Variants in ENAH observed in about 807,000 individuals in gnomAD.
The protein encoded by ENAH is protein enabled homolog.
A neutral mutation model predicts 78.7 loss-of-function variants in ENAH; 23 were observed. The observed-to-expected ratio is 0.29, with a 90% confidence interval of 0.21 to 0.41. The LOEUF (loss-of-function observed/expected upper bound fraction) is 0.41. Ranked by LOEUF, ENAH falls within the 10% of genes least tolerant of loss-of-function variation. The pLI is 1.00. For missense variants in ENAH, 544 were observed against 691.0 expected (o/e 0.79, Z 2.39); for synonymous variants, 226 against 241.0 (o/e 0.94, Z 0.58).
At chr1:225,608,788 C>T (rs1265726427) in intron 1 of ENAH, among the ~76,000 whole-genome samples, 1 of 136,824 alleles carries the variant, frequency 7.3e-6, no homozygotes, top group African/African-American at 2.9e-5. Context: ...TGCACTCCAT[C>T]CTGGGCGACA....
Position 225,514,749 on chromosome 1 carries a change from AGGAGGG to A in ENAH, c.1059_1064del (p.Pro354_Pro355del). 1 of 328,440 alleles carries A rather than the reference AGGAGGG, an allele frequency of 3.0e-6. No homozygotes were observed. The highest frequency in any genetic ancestry group is 4.5e-6 in the Non-Finnish European group (1 of 224,652). 20.3% of individuals were successfully genotyped at this position (328,440 alleles called of 1,614,324 possible). On this transcript the variant is annotated inframe_deletion, in exon 7 of 14. Coordinates refer to ENST00000366843, the MANE Select transcript of ENAH (RefSeq NM_018212.6). ...GAGGAGGGGGTACTTGATTAGGGAGAGGAGGGGGAGGAGGGGGCGGTGGAGGCCCGG... is the reference window on the plus strand; with the variant it reads ...GAGGAGGGGGTACTTGATTAGGGAGAGGAGGAGGGGGCGGTGGAGGCCCGG...
At chr1:225,503,601 C>T (rs17501249) in intron 11 of ENAH, among the ~76,000 whole-genome samples, 6,348 of 131,038 alleles carry the variant, frequency 0.048, 221 homozygotes, top group South Asian at 0.12. Context: ...TTAAATGCTA[C>T]TTTTCTATGT....
chr1:225,530,176 CCAA>C (rs1181649251), intron 4 of ENAH, among the ~76,000 whole-genome samples: 1 of 152,118 alleles, frequency 6.6e-6, no homozygotes, highest in Non-Finnish European at 1.5e-5. Flanking sequence ...ACAGAAACAG[CCAA>C]CAATATTTCA....
chr1:225,521,796 T>C (rs2151191795), intron 4 of ENAH, among the ~76,000 whole-genome samples: 1 of 152,090 alleles, frequency 6.6e-6, no homozygotes, highest in East Asian at 1.9e-4. Context: ...TTTTGTTTTG[T>C]TTTGTTTTTT....
intron 1 of ENAH, among the ~76,000 whole-genome samples, chr1:225,651,826 G>A (rs989299191): frequency 6.6e-6 from 1 of 151,930 alleles, no homozygotes; most frequent in African/African-American, 2.4e-5. Flanking sequence ...ACCACATCAC[G>A]GTTTATTCTC....
At chr1:225,619,182 A>G (rs190388333) in intron 1 of ENAH, among the ~76,000 whole-genome samples, 35 of 152,240 alleles carry the variant, frequency 2.3e-4, no homozygotes, top group Admixed American at 2.3e-3. Flanking sequence ...AATATTTTCT[A>G]TTGTCTTTCA....
Position 225,530,602 on chromosome 1 carries a change from G to C in ENAH, c.386C>G (p.Ala129Gly). The stretch of plus-strand genomic sequence containing the variant: ...TTGGGATGGGCCATTTTGAACTTGA[G>C]CAGGTAGTTGTGAGTTTTGTCTAGG... ...TLPRQNSQLP[A>G]QVQNGPSQEE... Residue 129 changes from alanine to glycine, a missense_variant, in exon 4 of 14, where the codon GCT becomes GGT. By Grantham distance (60) the Ala-to-Gly change is moderately conservative. Around this residue, in one of 4 missense-constraint regions of ENAH, gnomAD observed 366 missense variants for 396.1 expected, o/e 0.92. Coordinates refer to ENST00000366843, the MANE Select transcript of ENAH (RefSeq NM_018212.6). 6.2e-7 allele frequency: 1 copy of C among 1,613,582 alleles called. No individual in the cohort carries two copies. The highest frequency in any genetic ancestry group is 8.5e-7 in the Non-Finnish European group (1 of 1,179,608).
intron 7 of ENAH, among the ~76,000 whole-genome samples, chr1:225,513,554 T>C (rs911413855): frequency 6.6e-6 from 1 of 152,244 alleles, no homozygotes; most frequent in African/African-American, 2.4e-5. Flanking sequence ...GATTACAGTA[T>C]TCTATCATGT....
chr1:225,595,905 T>C (rs1490613581), intron 1 of ENAH, among the ~76,000 whole-genome samples: 2 of 152,206 alleles, frequency 1.3e-5, no homozygotes, highest in African/African-American at 4.8e-5. Flanking sequence ...ATTTTAGAAG[T>C]GTCCTCTTTT....
intron 3 of ENAH, among the ~76,000 whole-genome samples, chr1:225,534,192 A>C (rs1012699786): frequency 6.6e-6 from 1 of 152,102 alleles, no homozygotes; most frequent in African/African-American, 2.4e-5. Context: ...CTAGTTCAAA[A>C]GATAGCCCGG....
intron 4 of ENAH, among the ~76,000 whole-genome samples, chr1:225,523,532 T>C (rs902361711): frequency 8.5e-5 from 13 of 152,128 alleles, no homozygotes; most frequent in African/African-American, 3.1e-4. Flanking sequence ...GCAATTCATA[T>C]AGCTGCAGGA....
intron 3 of ENAH, among the ~76,000 whole-genome samples, chr1:225,552,482 C>T (rs1339535329): frequency 6.6e-6 from 1 of 152,090 alleles, no homozygotes; most frequent in Non-Finnish European, 1.5e-5. Flanking sequence ...TACTTCCACA[C>T]TAATTAAGGC....
intron 12 of ENAH, among the ~76,000 whole-genome samples, chr1:225,500,171 A>C (rs1365249737): frequency 2.0e-5 from 3 of 152,306 alleles, no homozygotes; most frequent in South Asian, 2.1e-4. Context: ...AAATTTTATA[A>C]CTCAATTTAA....
At chr1:225,604,422 A>C (rs2096944663) in intron 1 of ENAH, among the ~76,000 whole-genome samples, 1 of 152,122 alleles carries the variant, frequency 6.6e-6, no homozygotes, top group Non-Finnish European at 1.5e-5. Flanking sequence ...TATGCCCCAG[A>C]CAGCTATTAA....
At chr1:225,637,724 C>T (rs567236478) in intron 1 of ENAH, among the ~76,000 whole-genome samples, 278 of 152,128 alleles carry the variant, frequency 1.8e-3, no homozygotes, top group African/African-American at 6.6e-3. Context: ...TGGCTATTTG[C>T]TTTCAGAGTG....
At chr1:225,595,261 A>C (rs1045974756) in intron 1 of ENAH, among the ~76,000 whole-genome samples, 2 of 151,920 alleles carry the variant, frequency 1.3e-5, no homozygotes, top group Non-Finnish European at 2.9e-5. Context: ...TGAACACGGG[A>C]GGCGGAGGTT....
At chr1:225,646,521 TA>T (rs1661990101) in intron 1 of ENAH, among the ~76,000 whole-genome samples, 1 of 152,026 alleles carries the variant, frequency 6.6e-6, no homozygotes, top group South Asian at 2.1e-4. Context: ...TCCAGAACCT[TA>T]AAATAAATGT....
chr1:225,581,867 T>G (rs1231932331), intron 1 of ENAH, among the ~76,000 whole-genome samples: 3 of 151,764 alleles, frequency 2.0e-5, no homozygotes, highest in Non-Finnish European at 4.4e-5. Context: ...TTTTTTTTTT[T>G]TTTTTAATTT....
intron 4 of ENAH, among the ~76,000 whole-genome samples, chr1:225,525,362 T>G (rs1215977448): frequency 2.0e-5 from 3 of 152,216 alleles, no homozygotes; most frequent in Admixed American, 6.5e-5. Flanking sequence ...TTTTCTTACT[T>G]TGGTGCTAAA....
Sources: gnomAD v4.1 joint callset for allele counts (sites outside exome capture counted in the v4.1 genomes callset) on GRCh38, gnomAD v4.1.1 for gene constraint, gnomAD v4.1.1 regional missense constraint, MANE v1.5 for transcripts, NCBI Gene and HGNC (gene_info 2026-07-23, HGNC 2026-07-21) for gene names.